The following CEP128 variants were observed in gnomAD, a reference collection of about 807,000 sequenced individuals.
CEP128 encodes centrosomal protein 128kDa.
Under a neutral mutation model 156.7 loss-of-function variants are expected in CEP128, and 132 were observed. That is an observed-to-expected ratio of 0.84 (90% CI 0.73 to 0.97). The LOEUF is 0.97. Ranked by LOEUF, CEP128 falls within the 50% of genes least tolerant of loss-of-function variation. CEP128 has a pLI of 0.00. For synonymous variants in CEP128, 469 were observed against 448.9 expected, an observed-to-expected ratio of 1.04 and a Z score of -0.57; for missense variants, 1,252 against 1,281.9, an observed-to-expected ratio of 0.98 and a Z score of 0.36.
chr14:80,699,158 C>CTGAATTCAGTACAATGTGTA (rs1896985947), intron 19 of CEP128, among the ~76,000 whole-genome samples: 1 of 152,134 alleles, frequency 6.6e-6, no homozygotes, highest in Non-Finnish European at 1.5e-5. Context: ...CAGTACAATG[C>CTGAATTCAGTACAATGTGTA]CTTAGGGATA....
chr14:80,520,799 G>A (rs934444061), intron 23 of CEP128, among the ~76,000 whole-genome samples: 7 of 151,714 alleles, frequency 4.6e-5, no homozygotes, highest in African/African-American at 9.7e-5. Context: ...AGGAATCAGC[G>A]CTTAGTTTCT....
chr14:80,598,796 A>T (rs34946091), intron 19 of CEP128, among the ~76,000 whole-genome samples: 17,431 of 152,192 alleles, frequency 0.11, 1,336 homozygotes, highest in East Asian at 0.32. Flanking sequence ...ACAGAATAGA[A>T]AAGTAATTGA....
intron 16 of CEP128, among the ~76,000 whole-genome samples, chr14:80,771,941 C>G (rs1453063170): frequency 6.6e-6 from 1 of 152,198 alleles, no homozygotes; most frequent in East Asian, 1.9e-4. Flanking sequence ...ACTCTTTGGG[C>G]CAGAACCTCA....
intron 2 of CEP128, among the ~76,000 whole-genome samples, chr14:80,951,765 A>C (rs1455459573): frequency 6.6e-6 from 1 of 152,122 alleles, no homozygotes; most frequent in Non-Finnish European, 1.5e-5. Context: ...TAAGAACTGC[A>C]CATTTAATAT....
intron 2 of CEP128, chr14:80,955,551 C>T (rs1285562061): frequency 9.1e-7 from 1 of 1,102,340 alleles, no homozygotes. Context: ...GAGGTCACAG[C>T]CCCTTGGAGC....
chr14:80,620,635 A>G (rs1232693469), intron 19 of CEP128, among the ~76,000 whole-genome samples: 2 of 152,188 alleles, frequency 1.3e-5, no homozygotes, highest in African/African-American at 4.8e-5. Flanking sequence ...CCAGGTAAAC[A>G]ATTACGTAAT....
intron 24 of CEP128, among the ~76,000 whole-genome samples, chr14:80,497,798 TGAA>T (rs1278913185): frequency 2.0e-5 from 3 of 152,210 alleles, no homozygotes; most frequent in Non-Finnish European, 4.4e-5. Context: ...TTATTTTATT[TGAA>T]GAATACCTGA....
At position 80,510,809 on chromosome 14, in the gene CEP128, T is replaced by G. The variant is rs549359217; in HGVS notation, c.3073-5789A>C. ...TCTAAAACCTGAGTTTTTTGAGGGGTTTTTTTTTTATCATGAAGGATGTTT... is the reference window on the plus strand; with the variant it reads ...TCTAAAACCTGAGTTTTTTGAGGGGGTTTTTTTTTATCATGAAGGATGTTT... On this transcript the variant is annotated intron_variant, in intron 23 of 24. Transcript: ENST00000555265. 6.9e-5 allele frequency among the ~76,000 whole-genome samples: 10 copies of G among 144,270 alleles called. No individual in the cohort carries two copies. The South Asian group carries it at 1.3e-3, about 19-fold the overall frequency. 94.6% of individuals were successfully genotyped at this position (144,270 alleles called of 152,430 possible).
At chr14:80,519,597 T>C (rs1275514095) in intron 23 of CEP128, among the ~76,000 whole-genome samples, 1 of 152,220 alleles carries the variant, frequency 6.6e-6, no homozygotes, top group Non-Finnish European at 1.5e-5. Flanking sequence ...TCTCTATCAG[T>C]GCTCAAGAAA....
chr14:80,669,721 C>A (rs919581456), intron 19 of CEP128, among the ~76,000 whole-genome samples: 49 of 152,134 alleles, frequency 3.2e-4, no homozygotes, highest in African/African-American at 9.9e-4. Flanking sequence ...TAATGTAGTA[C>A]AATCTCTATG....
At chr14:80,508,077 G>A (rs578192313) in intron 23 of CEP128, among the ~76,000 whole-genome samples, 46 of 152,164 alleles carry the variant, frequency 3.0e-4, no homozygotes, top group African/African-American at 1.1e-3. Flanking sequence ...CACCATGCCT[G>A]GCTAATTTTT....
intron 8 of CEP128, among the ~76,000 whole-genome samples, chr14:80,865,370 C>T (rs1351630137): frequency 1.3e-5 from 2 of 152,122 alleles, no homozygotes; most frequent in Non-Finnish European, 2.9e-5. Context: ...CATATCTTGA[C>T]TATTGTGAAT....
chr14:80,806,666 A>T (rs147499407), intron 13 of CEP128, among the ~76,000 whole-genome samples: 84 of 152,308 alleles, frequency 5.5e-4, no homozygotes, highest in Middle Eastern at 3.4e-3. Context: ...CTTTTGATTG[A>T]GGTAGAACAA....
rs572924532 is a variant in CEP128 at position 80,636,874 on chromosome 14, G to T, written c.2807-56451C>A. ...GGCCAACACGGGCAGATCACCTGAG[G>T]TCGGGAGTTCGAGACCAGCCTGACC... On this transcript the variant is annotated intron_variant, in intron 19 of 24. Coordinates refer to ENST00000555265, the MANE Select transcript of CEP128 (RefSeq NM_152446.5). Among the ~76,000 whole-genome samples the T allele has an allele frequency of 1.1e-4, 17 of 152,128 alleles. No homozygotes were observed. The South Asian group carries it at 1.9e-3, about 17-fold the overall frequency.
chr14:80,914,973 T>C (rs1030440813), intron 3 of CEP128, among the ~76,000 whole-genome samples: 6 of 152,210 alleles, frequency 3.9e-5, no homozygotes, highest in African/African-American at 9.6e-5. Flanking sequence ...TGTCTCATTG[T>C]TGGGAAAGCA....
At chr14:80,664,183 G>C (rs568585541) in intron 19 of CEP128, among the ~76,000 whole-genome samples, 2 of 152,228 alleles carry the variant, frequency 1.3e-5, no homozygotes, top group South Asian at 4.1e-4. Context: ...ATCAGAAATA[G>C]GAGACGCCCT....
intron 14 of CEP128, among the ~76,000 whole-genome samples, 172 bp from the exon 15 acceptor site, chr14:80,785,717 G>A (rs577797520): frequency 1.3e-5 from 2 of 152,208 alleles, no homozygotes; most frequent in East Asian, 3.9e-4. Flanking sequence ...GGCCAGAAAG[G>A]TGGGGGGGAA....
At position 80,628,296 on chromosome 14, in the gene CEP128, G is replaced by C. The variant is rs546827432; in HGVS notation, c.2807-47873C>G. Among the ~76,000 whole-genome samples the C allele has an allele frequency of 2.0e-5, 3 of 152,178 alleles. No individual in the cohort carries two copies. In the South Asian group the frequency reaches 6.2e-4, roughly 32 times the overall value. On this transcript the variant is annotated intron_variant, in intron 19 of 24. Coordinates refer to ENST00000555265, the MANE Select transcript of CEP128 (RefSeq NM_152446.5). ...TTAGAAACATCCCATATAGCCATCT[G>C]TTTATCAGTTTCCTCACTTTTTAAA...
At chr14:80,543,558 T>C (rs1889857871) in intron 21 of CEP128, among the ~76,000 whole-genome samples, 1 of 152,250 alleles carries the variant, frequency 6.6e-6, no homozygotes, top group Admixed American at 6.5e-5. Flanking sequence ...GTTGGCCTGA[T>C]GCTGAATCTT....
Sources: allele counts gnomAD v4.1 joint callset (sites outside exome capture counted in the v4.1 genomes callset), GRCh38; gene constraint gnomAD v4.1.1; transcripts MANE v1.5; gene names NCBI Gene and HGNC (gene_info 2026-07-23, HGNC 2026-07-21).